The following PPEF2 variants were observed in gnomAD, a reference collection of about 807,000 sequenced individuals.
PPEF2 encodes protein phosphatase with EF-hand domain 2.
Under a neutral mutation model 84.7 loss-of-function variants are expected in PPEF2, and 84 were observed. That is an observed-to-expected ratio of 0.99 (90% CI 0.83 to 1.19). The LOEUF is 1.19. Ranked by LOEUF, PPEF2 falls within the 50% of genes most tolerant of loss-of-function variation. The pLI is 0.00. For missense variants in PPEF2, 924 were observed against 937.5 expected, an observed-to-expected ratio of 0.99 and a Z score of 0.19; for synonymous variants, 346 against 345.2, an observed-to-expected ratio of 1.00 and a Z score of -0.03.
At chr4:75,889,849 A>T (rs1724831752) in intron 5 of PPEF2, 108 bp downstream of exon 5, 4 of 1,268,374 alleles carry the variant, frequency 3.2e-6, no homozygotes, top group African/African-American at 1.5e-5. Flanking sequence ...TAGTGGACAC[A>T]TGACATGAAC....
intron 11 of PPEF2, among the ~76,000 whole-genome samples, chr4:75,875,617 C>G (rs575124982): frequency 1.3e-5 from 2 of 152,050 alleles, no homozygotes; most frequent in Non-Finnish European, 2.9e-5. Context: ...CAAAGAAAAA[C>G]AAAAACAAAA....
Position 75,891,038 on chromosome 4 carries a change from G to T in PPEF2, c.241+610C>A, listed in dbSNP as rs1176199999. 3.9e-5 allele frequency among the ~76,000 whole-genome samples: 6 copies of T among 152,150 alleles called. No individual in the cohort carries two copies. In the East Asian group the frequency reaches 1.2e-3, roughly 29 times the overall value. On this transcript the variant is annotated intron_variant, in intron 4 of 16. Transcript: ENST00000286719. ...TCTCTACTAAACATATAAAAAATCA[G>T]CCAGGTGTGTTGGTGCACACCTGTA...
intron 8 of PPEF2, 98 bp downstream of exon 8, chr4:75,884,496 G>T: frequency 7.4e-7 from 1 of 1,354,746 alleles, no homozygotes; most frequent in Non-Finnish European, 1.0e-6. Flanking sequence ...TGGAAAACTA[G>T]TTTTAAAGGC....
chr4:75,874,924 C>T (rs1390948616), intron 11 of PPEF2, among the ~76,000 whole-genome samples: 9 of 139,726 alleles, frequency 6.4e-5, no homozygotes, highest in Admixed American at 3.6e-4. Flanking sequence ...TTTTTTGAGA[C>T]GGAGTCTCGC....
At chr4:75,901,050 A>G (rs554759628) in intron 1 of PPEF2, among the ~76,000 whole-genome samples, 26 of 152,354 alleles carry the variant, frequency 1.7e-4, no homozygotes, top group African/African-American at 5.8e-4. Flanking sequence ...TTTTTAACTT[A>G]TATACTTCTA....
intron 7 of PPEF2, among the ~76,000 whole-genome samples, chr4:75,886,612 C>T (rs1033058663): frequency 3.3e-5 from 5 of 151,868 alleles, no homozygotes; most frequent in Admixed American, 6.6e-5. Flanking sequence ...CCCAGCTACT[C>T]GGGAGGCTGA....
At position 75,860,858 on chromosome 4, in the gene PPEF2, C is replaced by T. The variant is rs371796826; in HGVS notation, c.2071G>A (p.Asp691Asn). ...TCACAGATGCAGTCATCTGTAATGT[C>T]GATATTCATGTGAGAGCTGAACAGC... ...WKLFSSHMNI[D>N]ITDDCICDLA... The change falls in exon 17 of 17, where the codon GAC (aspartate) becomes AAC (asparagine). Residue 691 changes from aspartate (D) to asparagine (N), a missense_variant. Coordinates refer to ENST00000286719, the MANE Select transcript of PPEF2 (RefSeq NM_006239.3). 3.3e-5 allele frequency: 53 copies of T among 1,614,032 alleles called. No individual in the cohort carries two copies. The highest frequency in any genetic ancestry group is 8.0e-5 in the African/African-American group (6 of 74,906).
At chr4:75,898,057 C>T (rs952592253) in intron 1 of PPEF2, among the ~76,000 whole-genome samples, 3 of 152,150 alleles carry the variant, frequency 2.0e-5, no homozygotes, top group South Asian at 2.1e-4. Context: ...AGGGATGGGC[C>T]GAATTAAAGG....
chr4:75,887,039 A>G (rs1176634810), intron 6 of PPEF2, 141 bp from the exon 7 acceptor site: 5 of 467,998 alleles, frequency 1.1e-5, no homozygotes, highest in African/African-American at 2.0e-5. Context: ...AAGGATAAAT[A>G]TTAATTTCTC....
chr4:75,862,656 T>C (rs1724035226), intron 16 of PPEF2, among the ~76,000 whole-genome samples: 1 of 151,992 alleles, frequency 6.6e-6, no homozygotes, highest in African/African-American at 2.4e-5. Context: ...ATAACAAGCA[T>C]TGGTGAGGAT....
Position 75,883,227 on chromosome 4 carries a change from AT to A in PPEF2, c.747-26del, listed in dbSNP as rs751088163. 3 of 1,601,452 alleles carry A rather than the reference AT, an allele frequency of 1.9e-6. No individual in the cohort carries two copies. The South Asian group carries it at 3.3e-5, about 18-fold the overall frequency. ...TCTAGATTTAGAAGCACAAATAGATATTAGAGTAAACTGGGTGACAATAATC... is the reference window on the plus strand; with the variant it reads ...TCTAGATTTAGAAGCACAAATAGATATAGAGTAAACTGGGTGACAATAATC... On this transcript the variant is annotated intron_variant, in intron 8 of 16. Transcript: ENST00000286719.
intron 6 of PPEF2, among the ~76,000 whole-genome samples, chr4:75,887,392 C>A (rs574222281): frequency 6.6e-6 from 1 of 152,066 alleles, no homozygotes; most frequent in African/African-American, 2.4e-5. Flanking sequence ...GAGGCTGAGA[C>A]GGGCGGATCA....
chr4:75,863,650 G>GA (rs1724059928), intron 16 of PPEF2, among the ~76,000 whole-genome samples: 2 of 151,978 alleles, frequency 1.3e-5, no homozygotes, highest in Admixed American at 6.6e-5. Flanking sequence ...TAATAACATT[G>GA]AAAAAAGCCT....
Position 75,876,516 on chromosome 4 carries a change from T to C in PPEF2, c.1091A>G (p.Tyr364Cys), listed in dbSNP as rs1056786881. ...LPSSPLRLGS[Y>C]KAQKTSRSSS... Reference sequence around the variant, plus strand: ...GGACCTGCTGGTTTTCTGGGCCTTGTAGGAGCCAAGCCGAAGGGGCGAAGA... The same window carrying C: ...GGACCTGCTGGTTTTCTGGGCCTTGCAGGAGCCAAGCCGAAGGGGCGAAGA... Residue 364 changes from tyrosine to cysteine, a missense_variant, in exon 11 of 17, where the codon TAC becomes TGC. Transcript: ENST00000286719. 8 of 1,614,020 alleles carry C rather than the reference T, an allele frequency of 5.0e-6. No homozygotes were observed. The highest frequency in any genetic ancestry group is 6.8e-6 in the Non-Finnish European group (8 of 1,179,978).
intron 1 of PPEF2, among the ~76,000 whole-genome samples, chr4:75,899,330 T>C (rs1725071144): frequency 6.6e-6 from 1 of 152,178 alleles, no homozygotes; most frequent in Non-Finnish European, 1.5e-5. Flanking sequence ...GAGTATGCAA[T>C]TGTCTCTTCA....
intron 13 of PPEF2, among the ~76,000 whole-genome samples, chr4:75,870,412 A>G (rs1724237372): frequency 6.6e-6 from 1 of 152,218 alleles, no homozygotes; most frequent in Admixed American, 6.5e-5. Context: ...TAACTTGAGA[A>G]TGATTTAAAA....
chr4:75,864,362 G>A (rs1724077565), intron 16 of PPEF2, 78 bp downstream of exon 16: 2 of 1,095,440 alleles, frequency 1.8e-6, no homozygotes, highest in Non-Finnish European at 2.8e-6. Context: ...GAATGAGGAT[G>A]AATCAGGAAG....
rs141362188 is a variant in PPEF2 at position 75,891,652 on chromosome 4, G to A, written c.237C>T (p.Asn79=). 175 of 1,609,240 alleles carry A rather than the reference G, an allele frequency of 1.1e-4. 1 individual carries two copies. The Middle Eastern group carries it at 1.5e-3, about 14-fold the overall frequency. The change falls in exon 4 of 17, where the codon AAC becomes AAT. Residue 79 remains asparagine (N), a synonymous_variant. Transcript: ENST00000286719. ...LMDHFIPSSH[N]DRDFLTRIFT... ...CATGTGGCAGTTCATACTCACTGTC[G>A]TTGTGGCTGCTGGGGATGAAGTGAT...
intron 4 of PPEF2, among the ~76,000 whole-genome samples, chr4:75,890,651 A>C (rs1269941281): frequency 1.3e-5 from 2 of 152,256 alleles, no homozygotes; most frequent in African/African-American, 4.8e-5. Context: ...TTATTCTAAA[A>C]GATCAAGATT....
Sources: allele counts gnomAD v4.1 joint callset (sites outside exome capture counted in the v4.1 genomes callset), GRCh38; gene constraint gnomAD v4.1.1; transcripts MANE v1.5; gene names NCBI Gene and HGNC (gene_info 2026-07-23, HGNC 2026-07-21).